The following NPSR1 variants were observed in gnomAD, a reference collection of about 807,000 sequenced individuals.
The protein encoded by NPSR1 is neuropeptide S receptor 1.
In NPSR1, 48 loss-of-function variants were observed where a neutral mutation model predicts 46.9. The ratio of observed to expected loss-of-function variants is 1.02; its 90% CI spans 0.81 to 1.30. The LOEUF (loss-of-function observed/expected upper bound fraction) is 1.30, where lower values mean the gene tolerates loss of function less well. Ranked by LOEUF, NPSR1 falls within the 50% of genes most tolerant of loss-of-function variation. The pLI, the probability that NPSR1 is intolerant of heterozygous loss-of-function variation, is 0.00. For missense variants in NPSR1, 450 were observed against 449.5 expected (o/e 1.00, Z -0.01); for synonymous variants, 176 against 168.1 (o/e 1.05, Z -0.36).
chr7:34,703,348 G>A (rs1026559783), intron 2 of NPSR1, among the ~76,000 whole-genome samples: 2 of 152,050 alleles, frequency 1.3e-5, no homozygotes, highest in Non-Finnish European at 2.9e-5. Flanking sequence ...TCCAGCCTGG[G>A]TGACAGAGCA....
intron 1 of NPSR1, among the ~76,000 whole-genome samples, chr7:34,661,605 T>C (rs1293557146): frequency 6.6e-6 from 1 of 152,212 alleles, no homozygotes; most frequent in Non-Finnish European, 1.5e-5. Flanking sequence ...AATTCTGGCT[T>C]CTGCTTCCAC....
intron 2 of NPSR1, among the ~76,000 whole-genome samples, chr7:34,712,593 T>C (rs34688362): frequency 0.013 from 2,026 of 152,264 alleles, 21 homozygotes; most frequent in Non-Finnish European, 0.023. Flanking sequence ...GGCCAGACTA[T>C]GGAATCTTCC....
At chr7:34,724,485 G>A (rs1357925105) in intron 2 of NPSR1, among the ~76,000 whole-genome samples, 1 of 152,232 alleles carries the variant, frequency 6.6e-6, no homozygotes, top group East Asian at 1.9e-4. Flanking sequence ...TTCAGAGAGG[G>A]AGAGAAAGAC....
At chr7:34,782,667 G>A (rs185147728) in intron 3 of NPSR1, among the ~76,000 whole-genome samples, 2 of 151,866 alleles carry the variant, frequency 1.3e-5, no homozygotes, top group East Asian at 3.9e-4. Flanking sequence ...CCCTTATATT[G>A]ATGTGTGTGC....
chr7:34,875,406 G>A (rs377065505), intron 8 of NPSR1, among the ~76,000 whole-genome samples: 176 of 152,324 alleles, frequency 1.2e-3, no homozygotes, highest in African/African-American at 3.8e-3. Context: ...AAGGGGTAAC[G>A]TCTTCCAGAG....
chr7:34,729,491 CT>C (rs1280152949), intron 2 of NPSR1, among the ~76,000 whole-genome samples: 2 of 151,822 alleles, frequency 1.3e-5, no homozygotes, highest in Admixed American at 1.3e-4. Context: ...AGTAATTTAG[CT>C]AATTCAACTC....
At chr7:34,667,038 C>CA (rs1227103114) in intron 1 of NPSR1, among the ~76,000 whole-genome samples, 1 of 152,206 alleles carries the variant, frequency 6.6e-6, no homozygotes, top group African/African-American at 2.4e-5. Flanking sequence ...AACATCAGCT[C>CA]AAAAAACTAC....
At chr7:34,834,833 T>C (rs995965624) in intron 6 of NPSR1, among the ~76,000 whole-genome samples, 8 of 152,264 alleles carry the variant, frequency 5.3e-5, no homozygotes, top group Non-Finnish European at 1.2e-4. Flanking sequence ...AAGATGAGCA[T>C]AGGCTTTTCT....
intron 2 of NPSR1, among the ~76,000 whole-genome samples, chr7:34,712,953 G>A (rs942184605): frequency 6.6e-6 from 1 of 152,066 alleles, no homozygotes; most frequent in Non-Finnish European, 1.5e-5. Flanking sequence ...ATTTCCTTCT[G>A]CTAGTTTCAT....
chr7:34,789,732 G>A (rs934284375), intron 3 of NPSR1, among the ~76,000 whole-genome samples: 5 of 109,208 alleles, frequency 4.6e-5, no homozygotes, highest in Non-Finnish European at 1.7e-5. Flanking sequence ...GGCAGAAGTT[G>A]CAGTGCGCAA....
intron 6 of NPSR1, among the ~76,000 whole-genome samples, chr7:34,844,688 A>T (rs1356115241): frequency 6.6e-6 from 1 of 152,204 alleles, no homozygotes; most frequent in African/African-American, 2.4e-5. Context: ...TACCATTTTC[A>T]TATAATATTA....
intron 8 of NPSR1, among the ~76,000 whole-genome samples, chr7:34,875,593 T>C (rs951489043): frequency 1.3e-5 from 2 of 152,154 alleles, no homozygotes; most frequent in South Asian, 2.1e-4. Flanking sequence ...AAGCGCTCCC[T>C]GAGAGGGTGT....
intron 3 of NPSR1, among the ~76,000 whole-genome samples, chr7:34,790,889 C>G (rs1432511138): frequency 0.017 from 1,590 of 93,610 alleles, 146 homozygotes; most frequent in African/African-American, 0.061. Flanking sequence ...TATTATATAT[C>G]ATATATGTTA....
intron 1 of NPSR1, among the ~76,000 whole-genome samples, chr7:34,681,027 C>T (rs1583795418): frequency 6.6e-6 from 1 of 151,006 alleles, no homozygotes; most frequent in African/African-American, 2.4e-5. Context: ...ATATATTGTG[C>T]ACTTTTTATG....
chr7:34,787,368 T>C (rs2128741288), intron 3 of NPSR1, among the ~76,000 whole-genome samples: 1 of 152,280 alleles, frequency 6.6e-6, no homozygotes, highest in East Asian at 1.9e-4. Flanking sequence ...GATTAGGCTT[T>C]GGCTTAATGT....
At chr7:34,756,636 T>G (rs563926145) in intron 2 of NPSR1, among the ~76,000 whole-genome samples, 1 of 152,356 alleles carries the variant, frequency 6.6e-6, no homozygotes, top group Non-Finnish European at 1.5e-5. Context: ...CATATAATTT[T>G]CATGTGCCTG....
chr7:34,791,968 A>T (rs1678664965), intron 3 of NPSR1, among the ~76,000 whole-genome samples: 1 of 152,152 alleles, frequency 6.6e-6, no homozygotes, highest in African/African-American at 2.4e-5. Context: ...ACAATGGGGA[A>T]AGGACAGTCT....
At chr7:34,742,091 A>G (rs1468064156) in intron 2 of NPSR1, among the ~76,000 whole-genome samples, 1 of 152,004 alleles carries the variant, frequency 6.6e-6, no homozygotes, top group Non-Finnish European at 1.5e-5. Context: ...ATAAGCAGTT[A>G]GGAACCATAA....
intron 2 of NPSR1, among the ~76,000 whole-genome samples, chr7:34,727,930 T>C (rs760855949): frequency 2.6e-5 from 4 of 151,618 alleles, no homozygotes; most frequent in Non-Finnish European, 5.9e-5. Context: ...TTTTTAAAAA[T>C]CCCTGATGAT....
Sources: gnomAD v4.1 joint callset for allele counts (sites outside exome capture counted in the v4.1 genomes callset) on GRCh38, gnomAD v4.1.1 for gene constraint, MANE v1.5 for transcripts, NCBI Gene and HGNC (gene_info 2026-07-23, HGNC 2026-07-21) for gene names.